The following SHISA5 variants were observed in gnomAD, a reference collection of about 807,000 sequenced individuals.
SHISA5 encodes protein shisa-5.
In SHISA5, 21 loss-of-function variants were observed where a neutral mutation model predicts 27.5. That is an observed-to-expected ratio of 0.76 (90% confidence interval 0.54 to 1.10). SHISA5 has a LOEUF of 1.10. Ranked by LOEUF, SHISA5 falls within the 50% of genes least tolerant of loss-of-function variation. The pLI is 0.00. For synonymous variants in SHISA5, 137 were observed against 142.2 expected, an observed-to-expected ratio of 0.96 and a Z score of 0.26; for missense variants, 314 against 336.3, an observed-to-expected ratio of 0.93 and a Z score of 0.52.
rs1169630533 is a variant in SHISA5, at chr3:48,492,150, C to CAA, written c.233+8985_233+8986dup. Among the ~76,000 whole-genome samples the CAA allele has an allele frequency of 1.8e-3, 34 of 18,918 alleles. 10 individuals carry two copies. The highest frequency in any genetic ancestry group is 2.7e-3 in the Non-Finnish European group (25 of 9,194). 12.4% of individuals were successfully genotyped at this position (18,918 alleles called of 152,430 possible). On this transcript the variant is annotated intron_variant, in intron 2 of 5. Transcript: ENST00000296444. ...CCGGGAACAGAGCAAGACTCCATCT[C>CAA]AAAAAAAAAAAAAAAAAAAAAAAAA...
At chr3:48,478,174 C>T (rs1188712736) in intron 3 of SHISA5, among the ~76,000 whole-genome samples, 1 of 152,202 alleles carries the variant, frequency 6.6e-6, no homozygotes, top group Non-Finnish European at 1.5e-5. Flanking sequence ...CTCCTGGGCT[C>T]CTGGACGTGG....
intron 1 of SHISA5, chr3:48,503,219 T>G: frequency 7.9e-7 from 1 of 1,273,578 alleles, no homozygotes; most frequent in Non-Finnish European, 1.0e-6. Flanking sequence ...TGAGGCTGTT[T>G]AGGCTGAGTC....
chr3:48,469,279 A>G lies in SHISA5; in HGVS notation c.643+82T>C. ...GAAAGGGGCAGAGGCCTGTTGAGTG[A>G]TGTAGTTTGGGATGGGTGCCCGAGG... On this transcript the variant is annotated intron_variant, in intron 5 of 5. Transcript: ENST00000296444. The surrounding 1 kb of genome is among the most constrained non-coding windows in gnomAD (Gnocchi z 4.6). 1.3e-6 allele frequency: 2 copies of G among 1,574,588 alleles called. No individual in the cohort carries two copies. The highest frequency in any genetic ancestry group is 1.7e-6 in the Non-Finnish European group (2 of 1,160,160).
chr3:48,471,904 AAAAT>A (rs573630983), intron 3 of SHISA5, among the ~76,000 whole-genome samples: 316 of 152,184 alleles, frequency 2.1e-3, no homozygotes, highest in African/African-American at 6.9e-3. Context: ...ATAAAAAATA[AAAAT>A]AAAAAACTGG....
Position 48,473,179 on chromosome 3 carries a change from C to A in SHISA5, c.315-3336G>T, listed in dbSNP as rs1303715436. ...AGCACAGACGCGAAGCCCCGTTCCA[C>A]CCTCTTAAAGACACAGGATGGCCCC... On this transcript the variant is annotated intron_variant, in intron 3 of 5. Coordinates refer to ENST00000296444, the MANE Select transcript of SHISA5 (RefSeq NM_016479.6). The surrounding 1 kb of genome is among the most constrained non-coding windows in gnomAD (Gnocchi z 4.3). The A allele has an allele frequency of 2.8e-6, 4 of 1,441,378 alleles. No individual in the cohort carries two copies. The highest frequency in any genetic ancestry group is 3.6e-6 in the Non-Finnish European group (4 of 1,100,674). 89.3% of individuals were successfully genotyped at this position (1,441,378 alleles called of 1,614,324 possible).
In SHISA5 at chr3:48,468,084, A is replaced by C; in HGVS notation, c.*1023T>G. On this transcript the variant is annotated 3_prime_UTR_variant, in exon 6 of 6. Transcript: ENST00000296444. ...GCCCAGGTGTCCCTGCTGCCAGAAC[A>C]CCGTGGACTGGGGTACAGGAGTTGT... 37 of 940,418 alleles carry C rather than the reference A, an allele frequency of 3.9e-5. No individual in the cohort carries two copies. The highest frequency in any genetic ancestry group is 9.2e-5 in the East Asian group (1 of 10,820). The allele number at this position is 940,418 out of a possible 1,614,324, so 58.3% of individuals were successfully genotyped here. A position where few individuals can be genotyped will look rare whatever the true frequency, so the allele number is the denominator to read the frequency against.
chr3:48,473,670 C>T lies in SHISA5; in HGVS notation c.315-3827G>A, dbSNP rs4858795. 606,561 of 1,104,552 alleles carry T rather than the reference C, an allele frequency of 0.55. 169,961 individuals are homozygous for T. The highest frequency in any genetic ancestry group is 0.68 in the South Asian group (40,624 of 59,832). 68.4% of individuals were successfully genotyped at this position (1,104,552 alleles called of 1,614,324 possible). ...CCTGCTCAAACGCCAGCTATGGCTCCTGTAGCTCTTGCGATTACAAAGGAA... is the reference window on the plus strand; with the variant it reads ...CCTGCTCAAACGCCAGCTATGGCTCTTGTAGCTCTTGCGATTACAAAGGAA... On this transcript the variant is annotated intron_variant, in intron 3 of 5. Coordinates refer to ENST00000296444, the MANE Select transcript of SHISA5 (RefSeq NM_016479.6). This position sits in a 1 kb window ranked among gnomAD's most constrained non-coding sequence, Gnocchi z 4.3.
chr3:48,473,812 G>A lies in SHISA5; in HGVS notation c.315-3969C>T, dbSNP rs187202071. On this transcript the variant is annotated intron_variant, in intron 3 of 5. Transcript: ENST00000296444. This position sits in a 1 kb window ranked among gnomAD's most constrained non-coding sequence, Gnocchi z 4.3. ...GCAGTGGCTCACACCTGCAATCCCAGCACTTTGGGAGGCCGAGGCTTTTGG... is the reference window on the plus strand; with the variant it reads ...GCAGTGGCTCACACCTGCAATCCCAACACTTTGGGAGGCCGAGGCTTTTGG... 1.7e-3 allele frequency among the ~76,000 whole-genome samples: 252 copies of A among 152,256 alleles called. No homozygotes were observed. The highest frequency in any genetic ancestry group is 3.4e-3 in the Middle Eastern group (1 of 294).
intron 3 of SHISA5, among the ~76,000 whole-genome samples, chr3:48,472,503 A>G (rs571794598): frequency 6.6e-6 from 1 of 152,368 alleles, no homozygotes; most frequent in East Asian, 1.9e-4. Flanking sequence ...CTCCAAAAAA[A>G]TAAAAAATAA....
intron 3 of SHISA5, chr3:48,476,896 C>A: frequency 3.1e-6 from 1 of 326,770 alleles, no homozygotes; most frequent in Non-Finnish European, 6.1e-6. Context: ...GCACACGAGG[C>A]CCAGTGCTAT....
intron 3 of SHISA5, among the ~76,000 whole-genome samples, chr3:48,476,024 C>A (rs1340905758): frequency 1.3e-5 from 2 of 152,188 alleles, no homozygotes; most frequent in African/African-American, 4.8e-5. Flanking sequence ...AGGCTCCAGC[C>A]TGCTGCCTCA....
chr3:48,496,994 C>T (rs2041572637), intron 2 of SHISA5, among the ~76,000 whole-genome samples: 1 of 151,914 alleles, frequency 6.6e-6, no homozygotes, highest in South Asian at 2.1e-4. Context: ...CTTTGGGAGG[C>T]TGAGGCGGGT....
intron 2 of SHISA5, among the ~76,000 whole-genome samples, chr3:48,486,679 G>C (rs1266298200): frequency 7.0e-6 from 1 of 142,578 alleles, no homozygotes; most frequent in East Asian, 2.0e-4. Context: ...GATCACCTGA[G>C]GTCAGGAGTT....
chr3:48,491,249 G>C (rs1234480487), intron 2 of SHISA5, among the ~76,000 whole-genome samples: 3 of 151,878 alleles, frequency 2.0e-5, no homozygotes, highest in Admixed American at 2.0e-4. Context: ...CTCCCGAGTA[G>C]CTGGGGCTAC....
chr3:48,497,351 C>T (rs1393968305), intron 2 of SHISA5, among the ~76,000 whole-genome samples: 1 of 148,520 alleles, frequency 6.7e-6, no homozygotes, highest in Non-Finnish European at 1.5e-5. Flanking sequence ...GCAACCTCCG[C>T]CTCCTGGGTT....
At chr3:48,503,811 T>C in intron 1 of SHISA5, 1 of 1,255,708 alleles carries the variant, frequency 8.0e-7, no homozygotes, top group Non-Finnish European at 1.0e-6. Context: ...GGCAGCTGCC[T>C]GGTGTCTAGG....
intron 2 of SHISA5, among the ~76,000 whole-genome samples, chr3:48,480,034 G>C (rs951664884): frequency 2.6e-5 from 4 of 151,892 alleles, no homozygotes; most frequent in African/African-American, 9.7e-5. Context: ...CTCCCGAGTA[G>C]CTGGGTCTAC....
chr3:48,469,940 G>A lies in SHISA5; in HGVS notation c.315-97C>T, dbSNP rs1471199622. On this transcript the variant is annotated intron_variant, in intron 3 of 5. Transcript: ENST00000296444. The surrounding 1 kb of genome is among the most constrained non-coding windows in gnomAD (Gnocchi z 4.6). The stretch of plus-strand genomic sequence containing the variant: ...ATGCCCCTCTTGCCAGAAGGGGTCT[G>A]GGCAATACAGTTATAGCTACTTCCT... The A allele has an allele frequency of 9.5e-6, 14 of 1,466,960 alleles. No homozygotes were observed. Among genetic ancestry groups the A allele is most frequent in the Non-Finnish European group, 1.3e-5 (14 of 1,085,210 alleles). 90.9% of individuals were successfully genotyped at this position (1,466,960 alleles called of 1,614,324 possible). A position where few individuals can be genotyped will look rare whatever the true frequency, so the allele number is the denominator to read the frequency against.
chr3:48,490,614 C>G (rs552083119), intron 2 of SHISA5, among the ~76,000 whole-genome samples: 1 of 152,278 alleles, frequency 6.6e-6, no homozygotes, highest in Non-Finnish European at 1.5e-5. Flanking sequence ...CCCTACAAAT[C>G]ATAAATTCTC....
Sources: gnomAD v4.1 joint callset for allele counts (sites outside exome capture counted in the v4.1 genomes callset) on GRCh38, gnomAD v4.1.1 for gene constraint, Gnocchi (gnomAD v3.1) non-coding constraint, MANE v1.5 for transcripts, NCBI Gene and HGNC (gene_info 2026-07-23, HGNC 2026-07-21) for gene names.